The following PACRG variants were observed in gnomAD, a reference collection of about 807,000 sequenced individuals.
PACRG encodes the protein parkin coregulated gene protein.
Under a neutral mutation model 29.7 loss-of-function variants are expected in PACRG, and 29 were observed. That is an observed-to-expected ratio of 0.98 (90% CI 0.73 to 1.33). The LOEUF (loss-of-function observed/expected upper bound fraction) is 1.33. Among genes scored for constraint, PACRG ranks in the 40% most tolerant of loss-of-function variants. The pLI is 0.00. For synonymous variants in PACRG, 116 were observed against 118.7 expected, an observed-to-expected ratio of 0.98 and a Z score of 0.15; for missense variants, 279 against 316.2, an observed-to-expected ratio of 0.88 and a Z score of 0.89.
At chr6:162,926,546 A>G (rs761089502) in intron 2 of PACRG, among the ~76,000 whole-genome samples, 6 of 152,192 alleles carry the variant, frequency 3.9e-5, no homozygotes, top group Admixed American at 1.3e-4. Flanking sequence ...AAAACAAGCC[A>G]TGGGGAAAGG....
At chr6:162,801,856 A>G (rs1446451731) in intron 1 of PACRG, among the ~76,000 whole-genome samples, 1 of 152,164 alleles carries the variant, frequency 6.6e-6, no homozygotes, top group Non-Finnish European at 1.5e-5. Flanking sequence ...TTCTGATTTA[A>G]CTGTTAACTA....
intron 2 of PACRG, among the ~76,000 whole-genome samples, chr6:162,869,966 T>C (rs987439164): frequency 2.0e-5 from 3 of 152,202 alleles, no homozygotes; most frequent in Non-Finnish European, 2.9e-5. Context: ...GTAGTCTATA[T>C]GGTTTTATAA....
At chr6:163,025,678 A>G (rs1176537390) in intron 2 of PACRG, among the ~76,000 whole-genome samples, 1 of 152,242 alleles carries the variant, frequency 6.6e-6, no homozygotes, top group Non-Finnish European at 1.5e-5. Flanking sequence ...TTGAATTTCA[A>G]GTTTGAAGCC....
chr6:163,138,450 A>G (rs1033577), intron 4 of PACRG, among the ~76,000 whole-genome samples: 64,650 of 152,046 alleles, frequency 0.43, 15,697 homozygotes, highest in African/African-American at 0.68. Flanking sequence ...GACCAGTTTC[A>G]TGGAGGACAA....
chr6:162,961,459 T>A (rs1800611831), intron 2 of PACRG, among the ~76,000 whole-genome samples: 1 of 152,166 alleles, frequency 6.6e-6, no homozygotes, highest in Admixed American at 6.5e-5. Context: ...TGTATTTCTA[T>A]CAGAGCTGCA....
rs1554368442 is a variant in PACRG, at chr6:163,129,761, T to TCCTAACTCACACTCAGTTTCCTC, written c.613+40357_613+40358insACTCACACTCAGTTTCCTCCCTA. 6.5e-3 allele frequency among the ~76,000 whole-genome samples: 987 copies of TCCTAACTCACACTCAGTTTCCTC among 152,248 alleles called. 11 individuals carry two copies. The highest frequency in any genetic ancestry group is 0.023 in the African/African-American group (948 of 41,544). ...TATCCAACCTCACACTCAGTTTCCT[T>TCCTAACTCACACTCAGTTTCCTC]CCTACCTCACACTCAGTTTCCTCCC... On this transcript the variant is annotated intron_variant, in intron 4 of 4. Transcript: ENST00000366888.
chr6:162,996,956 C>T (rs1257233013), intron 2 of PACRG, among the ~76,000 whole-genome samples: 3 of 152,068 alleles, frequency 2.0e-5, no homozygotes, highest in Non-Finnish European at 2.9e-5. Context: ...TCCAGGGAGA[C>T]ATTATGTTGT....
chr6:163,236,760 C>T (rs911308121), intron 4 of PACRG, among the ~76,000 whole-genome samples: 1 of 152,064 alleles, frequency 6.6e-6, no homozygotes, highest in African/African-American at 2.4e-5. Context: ...TAAAGAACTA[C>T]CTGAGACTGG....
At chr6:162,898,439 T>C (rs1318806106) in intron 2 of PACRG, among the ~76,000 whole-genome samples, 1 of 152,222 alleles carries the variant, frequency 6.6e-6, no homozygotes, top group Non-Finnish European at 1.5e-5. Flanking sequence ...GATATTGTTA[T>C]GGTAAAATAT....
intron 1 of PACRG, among the ~76,000 whole-genome samples, chr6:162,795,937 G>A (rs961095387): frequency 7.2e-5 from 11 of 152,008 alleles, no homozygotes; most frequent in Non-Finnish European, 1.5e-4. Context: ...TTGCATGCTA[G>A]TACCTTACTA....
At chr6:163,105,798 C>T (rs1213559513) in intron 4 of PACRG, among the ~76,000 whole-genome samples, 1 of 152,102 alleles carries the variant, frequency 6.6e-6, no homozygotes, top group African/African-American at 2.4e-5. Context: ...AAATCTCCTC[C>T]CTTAAACATT....
intron 1 of PACRG, among the ~76,000 whole-genome samples, chr6:162,742,196 C>CA (rs1212144024): frequency 6.6e-6 from 1 of 152,128 alleles, no homozygotes; most frequent in African/African-American, 2.4e-5. Flanking sequence ...CCATAATTCT[C>CA]ACATGTTGTG....
intron 3 of PACRG, among the ~76,000 whole-genome samples, chr6:163,067,692 T>C (rs1811678377): frequency 6.6e-6 from 1 of 152,216 alleles, no homozygotes. Flanking sequence ...GAAAAAGTCT[T>C]GATTTGGAAA....
intron 4 of PACRG, among the ~76,000 whole-genome samples, chr6:163,151,484 AG>A (rs1778090193): frequency 6.6e-6 from 1 of 152,188 alleles, no homozygotes; most frequent in Non-Finnish European, 1.5e-5. Flanking sequence ...TAAACAAATA[AG>A]GCCTCCAAAG....
At chr6:163,140,531 C>T (rs1817111440) in intron 4 of PACRG, among the ~76,000 whole-genome samples, 1 of 152,058 alleles carries the variant, frequency 6.6e-6, no homozygotes, top group Non-Finnish European at 1.5e-5. Context: ...GTGCAGACAG[C>T]CACAAAACTA....
chr6:163,274,175 C>A lies in PACRG; in HGVS notation c.614-40652C>A, dbSNP rs143160901. ...AGGTAAATCTCCTAATGCTATCCCT[C>A]CCCGCTCCCTCCACCCCCCAACAGG... On this transcript the variant is annotated intron_variant, in intron 4 of 4. Coordinates refer to ENST00000366888, the MANE Select transcript of PACRG (RefSeq NM_001080379.2). Among the ~76,000 whole-genome samples, 27 of 152,258 alleles carry A rather than the reference C, an allele frequency of 1.8e-4. No homozygotes were observed. In the East Asian group the frequency reaches 5.0e-3, roughly 28 times the overall value.
intron 3 of PACRG, among the ~76,000 whole-genome samples, chr6:163,085,502 A>G (rs547244): frequency 0.23 from 35,004 of 152,086 alleles, 4,570 homozygotes; most frequent in East Asian, 0.51. Flanking sequence ...CCTCTCCAGC[A>G]CTTCCAAACG....
chr6:162,970,459 C>T (rs1180913004), intron 2 of PACRG, among the ~76,000 whole-genome samples: 2 of 152,132 alleles, frequency 1.3e-5, no homozygotes, highest in African/African-American at 2.4e-5. Context: ...GCAAGAATCC[C>T]GGCTATCGAT....
At chr6:163,207,030 T>C (rs1562316233) in intron 4 of PACRG, among the ~76,000 whole-genome samples, 1 of 152,216 alleles carries the variant, frequency 6.6e-6, no homozygotes, top group East Asian at 1.9e-4. Context: ...TTCGCTAGGA[T>C]TTTATTTCTT....
Sources: gnomAD v4.1 joint callset for allele counts (sites outside exome capture counted in the v4.1 genomes callset) on GRCh38, gnomAD v4.1.1 for gene constraint, MANE v1.5 for transcripts, NCBI Gene and HGNC (gene_info 2026-07-23, HGNC 2026-07-21) for gene names.